Variants in MAN2A1 observed in about 807,000 individuals in gnomAD.
MAN2A1 encodes alpha-mannosidase 2.
A neutral mutation model predicts 142.6 loss-of-function variants in MAN2A1; 76 were observed. The ratio of observed to expected loss-of-function variants is 0.53; its 90% CI spans 0.44 to 0.65. The LOEUF (loss-of-function observed/expected upper bound fraction) is 0.65, where lower values mean the gene tolerates loss of function less well. Ranked by LOEUF, MAN2A1 falls within the 30% of genes least tolerant of loss-of-function variation. MAN2A1 has a pLI of 0.00. For missense variants in MAN2A1, 1,311 were observed against 1,365.1 expected (o/e 0.96, Z 0.62); for synonymous variants, 559 against 473.2 (o/e 1.18, Z -2.35).
chr5:109,857,984 A>T (rs892249519), intron 20 of MAN2A1, among the ~76,000 whole-genome samples: 4 of 152,212 alleles, frequency 2.6e-5, no homozygotes, highest in African/African-American at 9.6e-5. Flanking sequence ...CTATTGTGAA[A>T]GCCTTTTGAG....
chr5:109,794,782 A>C (rs1344297800), intron 12 of MAN2A1, among the ~76,000 whole-genome samples: 1 of 152,154 alleles, frequency 6.6e-6, no homozygotes, highest in Admixed American at 6.5e-5. Context: ...ATGAGTTTAT[A>C]AACTGTCCTC....
At chr5:109,796,065 G>A (rs565818269) in intron 12 of MAN2A1, among the ~76,000 whole-genome samples, 21 of 152,026 alleles carry the variant, frequency 1.4e-4, no homozygotes, top group African/African-American at 5.1e-4. Flanking sequence ...ATTTTATTAC[G>A]CTGTTGAATT....
In MAN2A1 at chr5:109,848,345, C is replaced by G. The variant is rs138200107; in HGVS notation, c.2976+555C>G. On this transcript the variant is annotated intron_variant, in intron 19 of 21. Coordinates refer to ENST00000261483, the MANE Select transcript of MAN2A1 (RefSeq NM_002372.4). Reference sequence around the variant, plus strand: ...TGAATGACCTGACGATATGCTTGTTCAGGCAAAGTTATCTTCAGAGTTCTC... The same window carrying G: ...TGAATGACCTGACGATATGCTTGTTGAGGCAAAGTTATCTTCAGAGTTCTC... 2.4e-3 allele frequency among the ~76,000 whole-genome samples: 366 copies of G among 152,296 alleles called. 2 individuals are homozygous for G. The highest frequency in any genetic ancestry group is 8.6e-3 in the African/African-American group (357 of 41,570).
At chr5:109,798,526 A>T (rs1270935803) in intron 12 of MAN2A1, among the ~76,000 whole-genome samples, 2 of 152,208 alleles carry the variant, frequency 1.3e-5, no homozygotes, top group East Asian at 3.9e-4. Context: ...GTGACCAGAT[A>T]TGACAGTTTT....
chr5:109,731,609 G>C (rs1751914562), intron 4 of MAN2A1, among the ~76,000 whole-genome samples: 1 of 148,166 alleles, frequency 6.7e-6, no homozygotes, highest in African/African-American at 2.5e-5. Context: ...AGAACATGTG[G>C]TGTTTGGTTT....
rs1394647806 is a variant in MAN2A1 at position 109,865,114 on chromosome 5, A to G, written c.3250A>G (p.Thr1084Ala). 3.1e-6 allele frequency: 5 copies of G among 1,614,034 alleles called. No homozygotes were observed. The highest frequency in any genetic ancestry group is 4.2e-6 in the Non-Finnish European group (5 of 1,179,902). ...TGATTGTCGGTTCTCTAGCAAAGGC[A>G]CAGGGCTGTTTTGTTCTACTACTCA... ...GFDCRFSSKG[T>A]GLFCSTTQGK... Residue 1084 changes from threonine (T) to alanine (A), a missense_variant, in exon 21 of 22, where the codon ACA (threonine) becomes GCA (alanine). Transcript: ENST00000261483.
At chr5:109,844,605 T>C (rs1755299934) in intron 17 of MAN2A1, among the ~76,000 whole-genome samples, 1 of 152,166 alleles carries the variant, frequency 6.6e-6, no homozygotes, top group Non-Finnish European at 1.5e-5. Context: ...GGAGACTAGA[T>C]TTCTAACATC....
intron 1 of MAN2A1, among the ~76,000 whole-genome samples, chr5:109,712,681 G>T (rs1751334931): frequency 6.6e-6 from 1 of 152,042 alleles, no homozygotes; most frequent in Non-Finnish European, 1.5e-5. Context: ...CAAAGACAGG[G>T]GCCCGTATCT....
At chr5:109,724,621 G>T (rs1158049867) in intron 3 of MAN2A1, among the ~76,000 whole-genome samples, 1 of 151,970 alleles carries the variant, frequency 6.6e-6, no homozygotes, top group Non-Finnish European at 1.5e-5. Context: ...ATGTTTTCCT[G>T]AAGATTGGTG....
rs1194463935 is a variant in MAN2A1 at position 109,867,818 on chromosome 5, A to G, written c.*820A>G. On this transcript the variant is annotated 3_prime_UTR_variant, in exon 22 of 22. Coordinates refer to ENST00000261483, the MANE Select transcript of MAN2A1 (RefSeq NM_002372.4). ...AAGGGGTTTCTATTTTAAAATTACCATATCAAAATAAATGTGCCTTATTTT... is the reference window on the plus strand; with the variant it reads ...AAGGGGTTTCTATTTTAAAATTACCGTATCAAAATAAATGTGCCTTATTTT... 5 of 152,172 alleles carry G rather than the reference A, an allele frequency of 3.3e-5. No individual in the cohort carries two copies. The highest frequency in any genetic ancestry group is 5.9e-5 in the Non-Finnish European group (4 of 68,012). 9.4% of individuals were successfully genotyped at this position (152,172 alleles called of 1,614,324 possible).
intron 12 of MAN2A1, among the ~76,000 whole-genome samples, chr5:109,813,730 T>C (rs1324458395): frequency 1.3e-5 from 2 of 152,340 alleles, no homozygotes; most frequent in Non-Finnish European, 2.9e-5. Flanking sequence ...TATTCCATAG[T>C]TGTCTTTTTT....
At chr5:109,767,046 T>G (rs1037915773) in intron 5 of MAN2A1, among the ~76,000 whole-genome samples, 5 of 152,154 alleles carry the variant, frequency 3.3e-5, no homozygotes, top group African/African-American at 1.2e-4. Flanking sequence ...ATAAGATGAT[T>G]TGGGGCTTTT....
chr5:109,753,654 T>C (rs1752605493), intron 4 of MAN2A1, among the ~76,000 whole-genome samples: 1 of 152,208 alleles, frequency 6.6e-6, no homozygotes, highest in Admixed American at 6.5e-5. Flanking sequence ...TTGAATTACA[T>C]GTTGTGTTAA....
chr5:109,861,705 C>T (rs139050801), intron 20 of MAN2A1, among the ~76,000 whole-genome samples: 132 of 152,262 alleles, frequency 8.7e-4, no homozygotes, highest in African/African-American at 2.5e-3. Flanking sequence ...CCTGGGAGCA[C>T]GCTCAGGTGT....
At chr5:109,812,050 C>G (rs1411124352) in intron 12 of MAN2A1, among the ~76,000 whole-genome samples, 4 of 152,112 alleles carry the variant, frequency 2.6e-5, no homozygotes, top group Non-Finnish European at 2.9e-5. Context: ...TGCCAGGGTC[C>G]TTGGTCAGGA....
At chr5:109,865,386 G>A in intron 21 of MAN2A1, 1 of 474,318 alleles carries the variant, frequency 2.1e-6, no homozygotes, top group Non-Finnish European at 3.9e-6. Context: ...CAATGCTCTT[G>A]TTATTTCCTA....
chr5:109,716,310 A>G lies in MAN2A1; in HGVS notation c.535+46A>G. The G allele has an allele frequency of 2.6e-6, 4 of 1,526,784 alleles. No individual in the cohort carries two copies. In the South Asian group the frequency reaches 3.8e-5, roughly 14 times the overall value. The allele number at this position is 1,526,784 out of a possible 1,614,324, so 94.6% of individuals were successfully genotyped here. A position where few individuals can be genotyped will look rare whatever the true frequency, so the allele number is the denominator to read the frequency against. ...AGACAGGAGGTTATTAAGTTTCTTTAGGCCTAGAGTCTTTTAATGAGAATC... is the reference window on the plus strand; with the variant it reads ...AGACAGGAGGTTATTAAGTTTCTTTGGGCCTAGAGTCTTTTAATGAGAATC... On this transcript the variant is annotated intron_variant, in intron 3 of 21. Transcript: ENST00000261483.
At chr5:109,846,102 A>T in intron 18 of MAN2A1, 96 bp downstream of exon 18, 1 of 1,084,974 alleles carries the variant, frequency 9.2e-7, no homozygotes, top group Non-Finnish European at 1.2e-6. Context: ...TCTAGTTAAA[A>T]CCTCCCTGTC....
chr5:109,718,164 A>G (rs1751507134), intron 3 of MAN2A1, among the ~76,000 whole-genome samples: 2 of 152,122 alleles, frequency 1.3e-5, no homozygotes, highest in Admixed American at 6.5e-5. Context: ...TGGGAGAGTG[A>G]TGTGATTCCA....
Sources: gnomAD v4.1 joint callset for allele counts (sites outside exome capture counted in the v4.1 genomes callset) on GRCh38, gnomAD v4.1.1 for gene constraint, MANE v1.5 for transcripts, NCBI Gene and HGNC (gene_info 2026-07-23, HGNC 2026-07-21) for gene names.